Variants in MYRIP observed in about 807,000 individuals in gnomAD.
The protein encoded by MYRIP is rab effector MyRIP.
A neutral mutation model predicts 98.0 loss-of-function variants in MYRIP; 49 were observed. That is an observed-to-expected ratio of 0.50 (90% CI 0.40 to 0.63). The LOEUF (loss-of-function observed/expected upper bound fraction) is 0.63, where lower values mean the gene tolerates loss of function less well. Ranked by LOEUF, MYRIP falls within the 30% of genes least tolerant of loss-of-function variation. The pLI, the probability that MYRIP is intolerant of heterozygous loss-of-function variation, is 0.00. For missense variants in MYRIP, 1,004 were observed against 1,058.2 expected, an observed-to-expected ratio of 0.95 and a Z score of 0.71; for synonymous variants, 404 against 409.5, an observed-to-expected ratio of 0.99 and a Z score of 0.16.
At chr3:39,902,535 C>T (rs1039270534) in intron 2 of MYRIP, among the ~76,000 whole-genome samples, 6 of 152,302 alleles carry the variant, frequency 3.9e-5, no homozygotes, top group South Asian at 2.1e-4. Flanking sequence ...CCTGGCACAC[C>T]GTGGGTGTGC....
At chr3:39,886,113 A>C (rs1218389115) in intron 1 of MYRIP, among the ~76,000 whole-genome samples, 1 of 151,950 alleles carries the variant, frequency 6.6e-6, no homozygotes, top group Admixed American at 6.6e-5. Flanking sequence ...AGGAGAAATA[A>C]AATACTTTAC....
At chr3:39,872,513 G>T (rs1438671788) in intron 1 of MYRIP, among the ~76,000 whole-genome samples, 2 of 111,136 alleles carry the variant, frequency 1.8e-5, no homozygotes, top group Non-Finnish European at 3.4e-5. Context: ...ACAGTCCCCA[G>T]AGTGTGATGT....
chr3:39,857,288 T>C (rs1335936964), intron 1 of MYRIP, among the ~76,000 whole-genome samples: 1 of 86,022 alleles, frequency 1.2e-5, no homozygotes, highest in Non-Finnish European at 2.3e-5. Flanking sequence ...GAAAAATGAG[T>C]ATCTATGAAC....
intron 3 of MYRIP, among the ~76,000 whole-genome samples, chr3:40,073,795 G>T (rs1454567696): frequency 6.6e-6 from 1 of 152,186 alleles, no homozygotes; most frequent in Non-Finnish European, 1.5e-5. Flanking sequence ...GCATGTTTTG[G>T]TTGGTCTCTG....
chr3:39,997,042 A>G (rs1338496618), intron 2 of MYRIP, among the ~76,000 whole-genome samples: 3 of 152,228 alleles, frequency 2.0e-5, no homozygotes, highest in Non-Finnish European at 2.9e-5. Context: ...CAGTGTGTAG[A>G]GGGAAATTTA....
chr3:39,971,193 C>T (rs372363199), intron 2 of MYRIP, among the ~76,000 whole-genome samples: 3 of 152,126 alleles, frequency 2.0e-5, no homozygotes, highest in African/African-American at 7.2e-5. Context: ...ATCTCCAGGT[C>T]CATAAGGGTC....
chr3:39,970,872 A>G (rs1458109072), intron 2 of MYRIP, among the ~76,000 whole-genome samples: 1 of 152,078 alleles, frequency 6.6e-6, no homozygotes, highest in Admixed American at 6.6e-5. Flanking sequence ...TTTTTGCTTA[A>G]CCCTCATATG....
intron 2 of MYRIP, among the ~76,000 whole-genome samples, chr3:40,024,649 G>C (rs1947082359): frequency 6.6e-6 from 1 of 151,886 alleles, no homozygotes; most frequent in African/African-American, 2.4e-5. Flanking sequence ...TAATACGAGT[G>C]TACAGTGTGA....
intron 4 of MYRIP, among the ~76,000 whole-genome samples, chr3:40,155,262 A>G (rs1950204607): frequency 6.6e-6 from 1 of 151,672 alleles, no homozygotes; most frequent in Admixed American, 6.6e-5. Context: ...TGTTCCTGCC[A>G]TAGTTTACTG....
At chr3:40,104,570 G>A (rs182762210) in intron 3 of MYRIP, among the ~76,000 whole-genome samples, 84 of 152,214 alleles carry the variant, frequency 5.5e-4, no homozygotes, top group Middle Eastern at 6.8e-3. Context: ...TCATGAACCA[G>A]TTTTACCCAA....
chr3:39,821,680 A>T (rs1407252410), intron 1 of MYRIP, among the ~76,000 whole-genome samples: 5 of 151,996 alleles, frequency 3.3e-5, no homozygotes, highest in Admixed American at 3.3e-4. Context: ...TCACATGTGA[A>T]TTTTTAAATT....
intron 1 of MYRIP, among the ~76,000 whole-genome samples, chr3:39,863,857 T>C (rs1009001301): frequency 2.0e-5 from 3 of 151,932 alleles, no homozygotes; most frequent in African/African-American, 7.3e-5. Flanking sequence ...AACAACAAAC[T>C]GTAGGCCAAC....
intron 2 of MYRIP, among the ~76,000 whole-genome samples, chr3:40,035,996 G>C (rs1391444312): frequency 6.6e-6 from 1 of 151,906 alleles, no homozygotes; most frequent in Non-Finnish European, 1.5e-5. Flanking sequence ...ATGAAACAAA[G>C]AGATTAGGAG....
intron 3 of MYRIP, among the ~76,000 whole-genome samples, chr3:40,067,419 T>C (rs1948145264): frequency 6.6e-6 from 1 of 152,240 alleles, no homozygotes; most frequent in Admixed American, 6.5e-5. Flanking sequence ...ATTTTGATTA[T>C]CACAATGACT....
chr3:39,887,588 A>C (rs544300635), intron 1 of MYRIP, among the ~76,000 whole-genome samples: 5 of 152,260 alleles, frequency 3.3e-5, no homozygotes, highest in African/African-American at 4.8e-5. Context: ...ATGGGCAAAA[A>C]CTGGAAGCAT....
chr3:39,833,284 A>C (rs1046463164), intron 1 of MYRIP, among the ~76,000 whole-genome samples: 6 of 152,184 alleles, frequency 3.9e-5, no homozygotes, highest in Admixed American at 3.3e-4. Context: ...GCGTTTTATA[A>C]ATGGGAATTT....
intron 2 of MYRIP, among the ~76,000 whole-genome samples, chr3:40,022,007 GAAGA>G (rs1947010502): frequency 6.6e-6 from 1 of 152,234 alleles, no homozygotes; most frequent in African/African-American, 2.4e-5. Flanking sequence ...AGATGCAAAG[GAAGA>G]ATTGATCAAA....
intron 1 of MYRIP, among the ~76,000 whole-genome samples, chr3:39,885,634 C>T (rs1490373030): frequency 6.6e-6 from 1 of 152,070 alleles, no homozygotes; most frequent in Non-Finnish European, 1.5e-5. Flanking sequence ...TCAGGTACAC[C>T]AATCAGACAT....
Position 39,853,740 on chromosome 3 carries a change from C to T in MYRIP, c.-31+43824C>T, listed in dbSNP as rs1033381116. ...TCTGCTGATTATTTCTTTTGCTGTG[C>T]AGAAGCTTTCTAGTTTACTTAGGAT... On this transcript the variant is annotated intron_variant, in intron 1 of 16. Coordinates refer to ENST00000302541, the MANE Select transcript of MYRIP (RefSeq NM_015460.4). Among the ~76,000 whole-genome samples the T allele has an allele frequency of 2.0e-5, 3 of 152,100 alleles. No individual in the cohort carries two copies. The South Asian group carries it at 6.2e-4, about 32-fold the overall frequency.
Sources: gnomAD v4.1 joint callset for allele counts (sites outside exome capture counted in the v4.1 genomes callset) on GRCh38, gnomAD v4.1.1 for gene constraint, MANE v1.5 for transcripts, NCBI Gene and HGNC (gene_info 2026-07-23, HGNC 2026-07-21) for gene names.